UGP2: variants seen among roughly 807,000 people sequenced by gnomAD.
UGP2 encodes UTP--glucose-1-phosphate uridylyltransferase.
In UGP2, 40 loss-of-function variants were observed where a neutral mutation model predicts 49.0. The observed-to-expected ratio is 0.82, with a 90% CI of 0.63 to 1.06. The LOEUF is 1.06. Ranked by LOEUF, UGP2 falls within the 50% of genes least tolerant of loss-of-function variation. The probability of loss-of-function intolerance (pLI) is 0.00; values close to 1 mark genes in which losing one functional copy is unlikely to be tolerated. For missense variants in UGP2, 460 were observed against 603.5 expected (o/e 0.76, Z 2.49); for synonymous variants, 225 against 213.0 (o/e 1.06, Z -0.49).
At chr2:63,854,475 T>C (rs1346722959) in intron 1 of UGP2, among the ~76,000 whole-genome samples, 2 of 152,244 alleles carry the variant, frequency 1.3e-5, no homozygotes, top group Non-Finnish European at 2.9e-5. Context: ...ACATCTGTAC[T>C]ACTTTTCCTA....
At chr2:63,856,222 A>C in intron 1 of UGP2, 84 bp from the exon 2 acceptor site, 4 of 1,515,262 alleles carry the variant, frequency 2.6e-6, no homozygotes, top group Non-Finnish European at 3.5e-6. Flanking sequence ...CATTTGCTGA[A>C]TACCAGAAAT....
At chr2:63,855,168 A>C (rs1451921887) in intron 1 of UGP2, among the ~76,000 whole-genome samples, 1 of 152,212 alleles carries the variant, frequency 6.6e-6, no homozygotes, top group Non-Finnish European at 1.5e-5. Flanking sequence ...TGTTGTCTTT[A>C]ATTCTATCTG....
chr2:63,878,332 C>T (rs1411289924), intron 3 of UGP2, among the ~76,000 whole-genome samples: 1 of 152,100 alleles, frequency 6.6e-6, no homozygotes, highest in East Asian at 1.9e-4. Flanking sequence ...GTTGATGATT[C>T]CTAAATCGTT....
chr2:63,847,188 A>C (rs1302038479), intron 1 of UGP2, among the ~76,000 whole-genome samples: 1 of 152,218 alleles, frequency 6.6e-6, no homozygotes, highest in Non-Finnish European at 1.5e-5. Flanking sequence ...GTGCCATTTT[A>C]ATATTCTGAA....
At chr2:63,846,884 C>G (rs1294616733) in intron 1 of UGP2, among the ~76,000 whole-genome samples, 1 of 152,040 alleles carries the variant, frequency 6.6e-6, no homozygotes, top group African/African-American at 2.4e-5. Flanking sequence ...TTTTAAAGAT[C>G]TGATTTAAGA....
intron 3 of UGP2, among the ~76,000 whole-genome samples, chr2:63,877,344 A>G (rs947405509): frequency 2.6e-5 from 4 of 152,366 alleles, no homozygotes; most frequent in African/African-American, 9.6e-5. Flanking sequence ...ACTGAAGTGA[A>G]GCTCTGTCCT....
intron 7 of UGP2, 39 bp from the exon 8 acceptor site, chr2:63,887,363 A>G: frequency 6.2e-7 from 1 of 1,611,202 alleles, no homozygotes; most frequent in Non-Finnish European, 8.5e-7. Flanking sequence ...AGGTGCCTAA[A>G]ACCTCTGTTT....
At chr2:63,850,741 T>TTA (rs1229587262) in intron 1 of UGP2, among the ~76,000 whole-genome samples, 2 of 152,178 alleles carry the variant, frequency 1.3e-5, no homozygotes, top group African/African-American at 4.8e-5. Context: ...CTTCAGATAC[T>TTA]TATGACAGTC....
At chr2:63,889,933 G>C (rs1671969404) in intron 8 of UGP2, 148 bp from the exon 9 acceptor site, 1 of 626,258 alleles carries the variant, frequency 1.6e-6, no homozygotes, top group African/African-American at 1.9e-5. Context: ...CATATAATGA[G>C]TGCTTAATAA....
Position 63,887,461 on chromosome 2 carries a change from A to G in UGP2, c.1131A>G (p.Lys377=). ...QLETAVGAAI[K]SFENSLGINV... is the part of the protein sequence containing the mutation. The stretch of plus-strand genomic sequence containing the variant: ...AAACTGCAGTAGGGGCTGCCATCAA[A>G]AGTTTTGAGAATTCTCTAGGTATTA... Residue 377 remains lysine (K), a synonymous_variant, in exon 8 of 10, where the codon AAA becomes AAG. Coordinates refer to ENST00000337130, the MANE Select transcript of UGP2 (RefSeq NM_006759.4). 4.3e-6 allele frequency: 7 copies of G among 1,613,984 alleles called. No homozygotes were observed. The highest frequency in any genetic ancestry group is 5.9e-6 in the Non-Finnish European group (7 of 1,179,986).
chr2:63,883,021 G>A (rs907157311), intron 4 of UGP2, among the ~76,000 whole-genome samples: 3 of 152,122 alleles, frequency 2.0e-5, no homozygotes, highest in African/African-American at 7.2e-5. Flanking sequence ...TTGGCTGCAG[G>A]TCATGCATGC....
At chr2:63,885,242 A>C (rs771252587) in intron 5 of UGP2, among the ~76,000 whole-genome samples, 1 of 152,042 alleles carries the variant, frequency 6.6e-6, no homozygotes, top group Non-Finnish European at 1.5e-5. Context: ...ATAGGTTTTC[A>C]GGGAAAAGAA....
rs995212453 is a variant in UGP2, at chr2:63,860,683, C to T, written c.255+2747C>T. 2.0e-5 allele frequency among the ~76,000 whole-genome samples: 3 copies of T among 151,936 alleles called. No homozygotes were observed. The East Asian group carries it at 5.8e-4, about 29-fold the overall frequency. On this transcript the variant is annotated intron_variant, in intron 3 of 9. Coordinates refer to ENST00000337130, the MANE Select transcript of UGP2 (RefSeq NM_006759.4). The stretch of plus-strand genomic sequence containing the variant: ...AGTCATAGCTCACTACAGCCTCGAA[C>T]TCCTGGGCTCAAGGGATCCTCCTGC...
chr2:63,878,181 A>G (rs1477501874), intron 3 of UGP2, among the ~76,000 whole-genome samples: 1 of 152,154 alleles, frequency 6.6e-6, no homozygotes, highest in Non-Finnish European at 1.5e-5. Flanking sequence ...TATAAAATGT[A>G]TTAAGTGCTG....
intron 3 of UGP2, among the ~76,000 whole-genome samples, chr2:63,877,918 G>A (rs1181846895): frequency 2.1e-5 from 3 of 141,354 alleles, no homozygotes; most frequent in Non-Finnish European, 4.5e-5. Flanking sequence ...GCGTGAACCC[G>A]GGAAGCGGAG....
chr2:63,852,182 A>G (rs1180946457), intron 1 of UGP2, among the ~76,000 whole-genome samples: 1 of 152,212 alleles, frequency 6.6e-6, no homozygotes, highest in African/African-American at 2.4e-5. Context: ...TTGGAGTAGC[A>G]AGAAGGATGA....
intron 1 of UGP2, chr2:63,842,425 T>G (rs1671628249): frequency 1.3e-6 from 2 of 1,565,598 alleles, no homozygotes; most frequent in Non-Finnish European, 1.7e-6. Context: ...TAGTTTTGCC[T>G]CCCTGAAATC....
chr2:63,882,641 A>C lies in UGP2; in HGVS notation c.431A>C (p.Gln144Pro). 1 of 1,564,214 alleles carries C rather than the reference A, an allele frequency of 6.4e-7. No homozygotes were observed. Among genetic ancestry groups the C allele is most frequent in the Non-Finnish European group, 8.7e-7 (1 of 1,146,876 alleles). ...AATACCTTTCTGGATCTGACTGTTC[A>C]GCAAATTGAAGTGAGTAACATTTAG... Reference protein sequence around the residue: ...NENTFLDLTVQQIEHLNKTYN... With the variant: ...NENTFLDLTVPQIEHLNKTYN... Residue 144 changes from glutamine (Q) to proline (P), a missense_variant, in exon 4 of 10, where the codon CAG (glutamine) becomes CCG (proline). Transcript: ENST00000337130.
chr2:63,863,695 G>A (rs1669997833), intron 3 of UGP2, among the ~76,000 whole-genome samples: 1 of 152,146 alleles, frequency 6.6e-6, no homozygotes, highest in South Asian at 2.1e-4. Context: ...AGCTATCCAA[G>A]CTAATTTGTT....
Sources: gnomAD v4.1 joint callset for allele counts (sites outside exome capture counted in the v4.1 genomes callset) on GRCh38, gnomAD v4.1.1 for gene constraint, MANE v1.5 for transcripts, NCBI Gene and HGNC (gene_info 2026-07-23, HGNC 2026-07-21) for gene names.